The following MYH2 variants were observed in gnomAD, a reference collection of about 807,000 sequenced individuals.
MYH2 encodes myosin heavy chain 2.
Under a neutral mutation model 228.1 loss-of-function variants are expected in MYH2, and 139 were observed. That is an observed-to-expected ratio of 0.61 (90% confidence interval 0.53 to 0.70). The LOEUF (loss-of-function observed/expected upper bound fraction) is 0.70. MYH2 is among the 30% of genes least tolerant of loss of function. The pLI is 0.00. For synonymous variants in MYH2, 796 were observed against 871.1 expected, an observed-to-expected ratio of 0.91 and a Z score of 1.52; for missense variants, 1,809 against 2,357.5, an observed-to-expected ratio of 0.77 and a Z score of 4.82.
Position 10,548,157 on chromosome 17 carries a change from C to T in MYH2, c.-20-217G>A, listed in dbSNP as rs7215791. Among the ~76,000 whole-genome samples, 134,329 of 152,200 alleles carry T rather than the reference C, an allele frequency of 0.88. 60,137 individuals are homozygous for T. The highest frequency in any genetic ancestry group is 1 in the East Asian group (5,169 of 5,176). The stretch of plus-strand genomic sequence containing the variant: ...TGCCGTATTTAGGGCTTTGCATCCA[C>T]TGTCTTATTTCATCCTCCAGGACTC... On this transcript the variant is annotated intron_variant, in intron 2 of 39. Transcript: ENST00000245503.
chr17:10,539,671 T>C, intron 12 of MYH2, 109 bp from the exon 13 acceptor site: 1 of 1,260,490 alleles, frequency 7.9e-7, no homozygotes, highest in Non-Finnish European at 1.1e-6. Flanking sequence ...AAATATCTCT[T>C]TCTGAGTATC....
chr17:10,527,671 C>T, intron 28 of MYH2, 77 bp downstream of exon 28: 1 of 1,606,036 alleles, frequency 6.2e-7, no homozygotes. Flanking sequence ...TATTAGGCTC[C>T]CACTTCACCA....
intron 2 of MYH2, 88 bp from the exon 3 acceptor site, chr17:10,548,028 G>A (rs982284960): frequency 1.6e-5 from 19 of 1,182,004 alleles, no homozygotes; most frequent in Admixed American, 1.0e-4. Context: ...CATAGGCCCA[G>A]TTGGAAATTC....
chr17:10,535,038 A>T, intron 19 of MYH2, 35 bp downstream of exon 19: 1 of 1,604,104 alleles, frequency 6.2e-7, no homozygotes, highest in Non-Finnish European at 8.5e-7. Flanking sequence ...GTTCATATTA[A>T]ACTTCAGAAT....
chr17:10,526,846 CTT>C, intron 29 of MYH2, 51 bp from the exon 30 acceptor site: 1 of 1,614,096 alleles, frequency 6.2e-7, no homozygotes, highest in African/African-American at 1.3e-5. Flanking sequence ...ATATTTAACT[CTT>C]AACTTTCAAA....
Position 10,542,866 on chromosome 17 carries a change from A to G in MYH2, c.904+9T>C. On this transcript the variant is annotated intron_variant, in intron 10 of 39. Transcript: ENST00000245503. ...AGTAATTCTGGAAAAGAATTATGAC[A>G]TTTCTTACCAATAAGTTCTGGTTTC... 1 of 1,556,940 alleles carries G rather than the reference A, an allele frequency of 6.4e-7. No individual in the cohort carries two copies. The highest frequency in any genetic ancestry group is 2.3e-5 in the East Asian group (1 of 44,358).
intron 19 of MYH2, 69 bp downstream of exon 19, chr17:10,534,990 CATATGTTTCACTAA>C (rs2073466575): frequency 1.4e-6 from 2 of 1,421,774 alleles, no homozygotes; most frequent in African/African-American, 2.8e-5. Context: ...CAAGTAGAGG[CATATGTTTCACTAA>C]ATTGTTTTGC....
chr17:10,543,508 A>G (rs911213233), intron 8 of MYH2, among the ~76,000 whole-genome samples: 2 of 115,330 alleles, frequency 1.7e-5, no homozygotes, highest in Non-Finnish European at 3.9e-5. Flanking sequence ...AGTGTAGATC[A>G]TGACAGATAA....
At position 10,528,666 on chromosome 17, in the gene MYH2, A is replaced by G. The variant is rs367912408; in HGVS notation, c.3744+24T>C. ...TGTCCATAATGCATTATTTTCAATA[A>G]CAATTTCCCAGAATTTGTAGTACCT... On this transcript the variant is annotated intron_variant, in intron 27 of 39. Transcript: ENST00000245503. 101 of 1,613,948 alleles carry G rather than the reference A, an allele frequency of 6.3e-5. No individual in the cohort carries two copies. In the African/African-American group the frequency reaches 9.5e-4, roughly 15 times the overall value.
In MYH2 at chr17:10,529,098, A is replaced by G. The variant is rs1346291540; in HGVS notation, c.3355-19T>C. On this transcript the variant is annotated intron_variant, in intron 26 of 39. Coordinates refer to ENST00000245503, the MANE Select transcript of MYH2 (RefSeq NM_017534.6). ...TGCGGGCCTGGGAATGGTGGAAAAT[A>G]CAAACTCAGCTTCTTTGTGTCATAA... 2 of 1,614,088 alleles carry G rather than the reference A, an allele frequency of 1.2e-6. No individual in the cohort carries two copies. The highest frequency in any genetic ancestry group is 4.5e-5 in the East Asian group (2 of 44,894).
In MYH2 at chr17:10,525,815, A is replaced by G; in HGVS notation, c.4249T>C (p.Cys1417Arg). ...EEHVEAVNAK[C>R]ASLEKTKQRL... ...TGCTTCGTCTTTTCGAGGGAAGCAC[A>G]TTTGGCGTTCACAGCTTCTACATGT... Residue 1417 changes from cysteine (C) to arginine (R), a missense_variant, in exon 31 of 40, where the codon TGT (cysteine) becomes CGT (arginine). Around this residue, in one of 9 missense-constraint regions of MYH2, gnomAD observed 636 missense variants for 729.9 expected, o/e 0.87. Transcript: ENST00000245503. The surrounding 1 kb of genome is among the most constrained non-coding windows in gnomAD (Gnocchi z 4.2). The G allele has an allele frequency of 1.9e-6, 3 of 1,614,200 alleles. No individual in the cohort carries two copies. Among genetic ancestry groups the G allele is most frequent in the East Asian group, 2.2e-5 (1 of 44,886 alleles).
At chr17:10,528,656 A>AT in intron 27 of MYH2, 34 bp downstream of exon 27, 1 of 1,613,818 alleles carries the variant, frequency 6.2e-7, no homozygotes. Flanking sequence ...ATAATGCATT[A>AT]TTTTCAATAA....
In MYH2 at chr17:10,524,823, C is replaced by T; in HGVS notation, c.4905G>A (p.Leu1635=). ...EGDLNEMEIQ[L]NHANRMAAEA... ...CAGCAGCCATGCGGTTGGCATGGTT[C>T]AGCTGGATTTCCATTTCATTGAGGT... The change falls in exon 34 of 40, where the codon CTG becomes CTA. Residue 1635 remains leucine (L), a synonymous_variant. Transcript: ENST00000245503. This position sits in a 1 kb window ranked among gnomAD's most constrained non-coding sequence, Gnocchi z 4.7. 1.9e-6 allele frequency: 3 copies of T among 1,614,142 alleles called. No homozygotes were observed. The highest frequency in any genetic ancestry group is 1.7e-4 in the Middle Eastern group (1 of 6,058).
chr17:10,526,435 A>G (rs767269894), intron 30 of MYH2, among the ~76,000 whole-genome samples, 164 bp downstream of exon 30: 1 of 152,216 alleles, frequency 6.6e-6, no homozygotes, highest in Non-Finnish European at 1.5e-5. Context: ...GGCAGGGACC[A>G]TATTTGATTT....
Position 10,545,382 on chromosome 17 carries a change from A to C in MYH2, c.469T>G (p.Ser157Ala), listed in dbSNP as rs141907243. 1.9e-6 allele frequency: 3 copies of C among 1,613,940 alleles called. No individual in the cohort carries two copies. The Admixed American group carries it at 5.0e-5, about 27-fold the overall frequency. Reference sequence around the variant, plus strand: ...AACTGATAGGCGTTGTCAGAGATGGAGAAGATGTGGGGCGGGGCCTCCTGG... The same window carrying C: ...AACTGATAGGCGTTGTCAGAGATGGCGAAGATGTGGGGCGGGGCCTCCTGG... ...KRQEAPPHIF[S>A]ISDNAYQFML... The change falls in exon 5 of 40, where the codon TCC (serine) becomes GCC (alanine). Residue 157 changes from serine to alanine, a missense_variant. Ser to Ala is a moderately conservative substitution (Grantham distance 99, BLOSUM62 1). This residue lies in a region of MYH2 where 373 missense variants were observed against 620.4 expected (regional missense o/e 0.60). Transcript: ENST00000245503.
rs185672242 is a variant in MYH2 at position 10,541,628 on chromosome 17, C to A, written c.905-931G>T. Among the ~76,000 whole-genome samples, 160 of 152,246 alleles carry A rather than the reference C, an allele frequency of 1.1e-3. 1 individual carries two copies. The East Asian group carries it at 0.017, about 16-fold the overall frequency. On this transcript the variant is annotated intron_variant, in intron 10 of 39. Transcript: ENST00000245503. ...TTGTGAAGCATGTGATCTCTGTGACCCACACCCTATTCGTACACTCCCTCC... is the reference window on the plus strand; with the variant it reads ...TTGTGAAGCATGTGATCTCTGTGACACACACCCTATTCGTACACTCCCTCC...
At chr17:10,534,517 T>C (rs2073460332) in intron 19 of MYH2, among the ~76,000 whole-genome samples, 1 of 152,234 alleles carries the variant, frequency 6.6e-6, no homozygotes, top group African/African-American at 2.4e-5. Flanking sequence ...AAGGTCGTTC[T>C]TAATTATTAT....
chr17:10,524,928 C>T lies in MYH2; in HGVS notation c.4800G>A (p.Val1600=). Residue 1600 remains valine, a synonymous_variant, in exon 34 of 40, where the codon GTG becomes GTA. Coordinates refer to ENST00000245503, the MANE Select transcript of MYH2 (RefSeq NM_017534.6). This position sits in a 1 kb window ranked among gnomAD's most constrained non-coding sequence, Gnocchi z 4.7. ...CATCCAGCGTGCTCTGCATGGACTCCACGATTCTAATGTGGTTTCTCTTCA... is the reference window on the plus strand; with the variant it reads ...CATCCAGCGTGCTCTGCATGGACTCTACGATTCTAATGTGGTTTCTCTTCA... ...DQLKRNHIRI[V]ESMQSTLDAE... 6.2e-7 allele frequency: 1 copy of T among 1,614,102 alleles called. No homozygotes were observed. The highest frequency in any genetic ancestry group is 1.1e-5 in the South Asian group (1 of 91,076).
intron 39 of MYH2, among the ~76,000 whole-genome samples, chr17:10,522,689 T>A (rs962769192): frequency 6.6e-6 from 1 of 152,130 alleles, no homozygotes; most frequent in Non-Finnish European, 1.5e-5. Flanking sequence ...AAAAGTAGCA[T>A]CTTCCTTGTG....
Sources: gnomAD v4.1 joint callset for allele counts (sites outside exome capture counted in the v4.1 genomes callset) on GRCh38, gnomAD v4.1.1 for gene constraint, gnomAD v4.1.1 regional missense constraint, Gnocchi (gnomAD v3.1) non-coding constraint, MANE v1.5 for transcripts, NCBI Gene and HGNC (gene_info 2026-07-23, HGNC 2026-07-21) for gene names.